The following SRPK2 variants were observed in gnomAD, a reference collection of about 807,000 sequenced individuals.
SRPK2 encodes SFRS protein kinase 2.
SRPK2 carries 21 observed loss-of-function variants against 90.8 expected under a neutral mutation model. That is an observed-to-expected ratio of 0.23 (90% CI 0.16 to 0.33). The LOEUF (loss-of-function observed/expected upper bound fraction) is 0.33, where lower values mean the gene tolerates loss of function less well. Among genes scored for constraint, SRPK2 ranks in the 10% least tolerant of loss-of-function variants. The probability of loss-of-function intolerance (pLI) is 1.00; values close to 1 mark genes in which losing one functional copy is unlikely to be tolerated. For synonymous variants in SRPK2, 288 were observed against 311.1 expected (o/e 0.93, Z 0.78); for missense variants, 620 against 869.0 (o/e 0.71, Z 3.60).
intron 11 of SRPK2, among the ~76,000 whole-genome samples, chr7:105,138,055 T>G (rs1340344963): frequency 6.6e-6 from 1 of 152,222 alleles, no homozygotes; most frequent in Non-Finnish European, 1.5e-5. Context: ...TAAAATGCTC[T>G]TCAAGACCTC....
At chr7:105,206,269 T>C (rs1238317972) in intron 2 of SRPK2, 7 of 279,402 alleles carry the variant, frequency 2.5e-5, no homozygotes, top group Non-Finnish European at 2.9e-5. Flanking sequence ...TAGCATTTTC[T>C]ATATATGGCT....
intron 2 of SRPK2, among the ~76,000 whole-genome samples, chr7:105,337,360 G>T (rs1815218712): frequency 6.6e-6 from 1 of 151,560 alleles, no homozygotes; most frequent in Admixed American, 6.6e-5. Flanking sequence ...TGTTGCCCAG[G>T]CTGGAGTGCA....
intron 2 of SRPK2, among the ~76,000 whole-genome samples, chr7:105,207,532 A>T (rs184352195): frequency 3.3e-5 from 5 of 152,352 alleles, no homozygotes; most frequent in Non-Finnish European, 7.3e-5. Flanking sequence ...TGGCAGTGGA[A>T]ATGACCCATA....
chr7:105,252,736 C>CTTT (rs796434008), intron 2 of SRPK2, among the ~76,000 whole-genome samples: 1 of 126,800 alleles, frequency 7.9e-6, no homozygotes, highest in Admixed American at 9.1e-5. Flanking sequence ...TCTTTCTTTT[C>CTTT]TTTTTTTTTT....
chr7:105,305,670 C>T (rs936735129), intron 2 of SRPK2, among the ~76,000 whole-genome samples: 1 of 152,124 alleles, frequency 6.6e-6, no homozygotes, highest in Non-Finnish European at 1.5e-5. Context: ...TCTTTCCCTA[C>T]CCTCTTAGAT....
chr7:105,194,003 A>G (rs1794617160), intron 3 of SRPK2, among the ~76,000 whole-genome samples: 1 of 152,228 alleles, frequency 6.6e-6, no homozygotes, highest in African/African-American at 2.4e-5. Flanking sequence ...ATTCTTTGTC[A>G]GGTAAATGTA....
chr7:105,165,260 G>T (rs1458489638), intron 6 of SRPK2, among the ~76,000 whole-genome samples: 1 of 152,066 alleles, frequency 6.6e-6, no homozygotes, highest in African/African-American at 2.4e-5. Flanking sequence ...AAACCAACAA[G>T]CATCCACATA....
intron 2 of SRPK2, among the ~76,000 whole-genome samples, chr7:105,284,404 TG>T (rs1171556974): frequency 6.6e-6 from 1 of 152,206 alleles, no homozygotes; most frequent in Non-Finnish European, 1.5e-5. Context: ...TGGTAAGAAA[TG>T]AAGCCAGAGA....
intron 1 of SRPK2, among the ~76,000 whole-genome samples, chr7:105,395,034 G>A (rs781780104): frequency 1.6e-4 from 24 of 152,240 alleles, no homozygotes; most frequent in Non-Finnish European, 2.2e-4. Flanking sequence ...TTAGCTAGGC[G>A]TGGCGGCACA....
intron 6 of SRPK2, among the ~76,000 whole-genome samples, chr7:105,162,773 C>T (rs532697884): frequency 1.1e-4 from 17 of 152,306 alleles, no homozygotes; most frequent in Admixed American, 9.2e-4. Context: ...CCTAAGTCTT[C>T]TCAAAGCACT....
chr7:105,281,798 G>A (rs1284952117), intron 2 of SRPK2, among the ~76,000 whole-genome samples: 3 of 152,112 alleles, frequency 2.0e-5, no homozygotes, highest in Non-Finnish European at 4.4e-5. Flanking sequence ...GAACACTGTT[G>A]AAAGAAATGA....
chr7:105,120,210 A>T (rs1468641863), intron 15 of SRPK2, among the ~76,000 whole-genome samples: 1 of 152,246 alleles, frequency 6.6e-6, no homozygotes, highest in Non-Finnish European at 1.5e-5. Context: ...TATGACATGA[A>T]TCTATTCTAT....
chr7:105,397,983 G>A (rs1822378332), intron 1 of SRPK2, among the ~76,000 whole-genome samples: 1 of 152,134 alleles, frequency 6.6e-6, no homozygotes, highest in Non-Finnish European at 1.5e-5. Flanking sequence ...ATAATGTAAT[G>A]AGGATGATTT....
chr7:105,277,526 A>G (rs1415000073), intron 2 of SRPK2, among the ~76,000 whole-genome samples: 1 of 152,222 alleles, frequency 6.6e-6, no homozygotes, highest in Non-Finnish European at 1.5e-5. Flanking sequence ...AATGTTCACA[A>G]AGGTGCAAGA....
intron 2 of SRPK2, among the ~76,000 whole-genome samples, chr7:105,249,842 C>G (rs1381310224): frequency 6.6e-6 from 1 of 152,170 alleles, no homozygotes; most frequent in Non-Finnish European, 1.5e-5. Context: ...AAAACCTCAA[C>G]TATACTAAAG....
chr7:105,245,558 G>C (rs1035910787), intron 2 of SRPK2, among the ~76,000 whole-genome samples: 10 of 152,152 alleles, frequency 6.6e-5, no homozygotes, highest in African/African-American at 2.4e-4. Context: ...GGGCAAATGA[G>C]GAATGACAGA....
At chr7:105,293,608 C>T (rs549816408) in intron 2 of SRPK2, among the ~76,000 whole-genome samples, 5 of 151,690 alleles carry the variant, frequency 3.3e-5, no homozygotes, top group Admixed American at 6.6e-5. Context: ...TTAGTAGAGA[C>T]GGGTTTCCAC....
chr7:105,180,171 A>C (rs1792580796), intron 3 of SRPK2, among the ~76,000 whole-genome samples: 1 of 152,228 alleles, frequency 6.6e-6, no homozygotes, highest in African/African-American at 2.4e-5. Context: ...CCTGATGTCA[A>C]AGTATACTAA....
chr7:105,142,435 T>G lies in SRPK2; in HGVS notation c.1116A>C (p.Lys372Asn). The change falls in exon 11 of 16, where the codon AAA becomes AAC. Residue 372 changes from lysine (K) to asparagine (N), a missense_variant. Physicochemically the swap from Lys to Asn is moderately conservative, Grantham distance 94. Around this residue, in one of 8 missense-constraint regions of SRPK2, gnomAD observed 243 missense variants for 245.7 expected, o/e 0.99. Coordinates refer to ENST00000393651, the MANE Select transcript of SRPK2 (RefSeq NM_182692.3). ...GTTCCTGATCTACATCATCTTCATC[T>G]TTTTCAATGTTTTCTTTCTCAGCAT... is the stretch of plus-strand genomic sequence containing the variant. The part of the protein sequence containing the change: ...KEDAEKENIE[K>N]DEDDVDQELA... 6.2e-7 allele frequency: 1 copy of G among 1,612,878 alleles called. No homozygotes were observed. Among genetic ancestry groups the G allele is most frequent in the Non-Finnish European group, 8.5e-7 (1 of 1,179,664 alleles).
Sources: gnomAD v4.1 joint callset for allele counts (sites outside exome capture counted in the v4.1 genomes callset) on GRCh38, gnomAD v4.1.1 for gene constraint, gnomAD v4.1.1 regional missense constraint, MANE v1.5 for transcripts, NCBI Gene and HGNC (gene_info 2026-07-23, HGNC 2026-07-21) for gene names.